KIF13B: variants seen among roughly 807,000 people sequenced by gnomAD.
KIF13B encodes kinesin family member 13B.
Under a neutral mutation model 222.0 loss-of-function variants are expected in KIF13B, and 127 were observed. The ratio of observed to expected loss-of-function variants is 0.57; its 90% CI spans 0.50 to 0.66. The LOEUF (loss-of-function observed/expected upper bound fraction) is 0.66, where lower values mean the gene tolerates loss of function less well. Among genes scored for constraint, KIF13B ranks in the 30% least tolerant of loss-of-function variants. The pLI is 0.00. For missense variants in KIF13B, 2,173 were observed against 2,379.0 expected (o/e 0.91, Z 1.80); for synonymous variants, 976 against 919.0 (o/e 1.06, Z -1.12).
At chr8:29,109,158 A>C (rs1809235518) in intron 34 of KIF13B, among the ~76,000 whole-genome samples, 1 of 152,228 alleles carries the variant, frequency 6.6e-6, no homozygotes, top group African/African-American at 2.4e-5. Flanking sequence ...TAGTTCCACA[A>C]ACATTCACTG....
At chr8:29,185,588 T>G (rs1224788008) in intron 6 of KIF13B, among the ~76,000 whole-genome samples, 3 of 152,242 alleles carry the variant, frequency 2.0e-5, no homozygotes, top group Admixed American at 2.0e-4. Context: ...GGGTTCTGTT[T>G]GCTCTTGACT....
At position 29,113,500 on chromosome 8, in the gene KIF13B, C is replaced by G; in HGVS notation, c.3893G>C (p.Cys1298Ser). 1 of 1,593,544 alleles carries G rather than the reference C, an allele frequency of 6.3e-7. No homozygotes were observed. Among genetic ancestry groups the G allele is most frequent in the South Asian group, 1.1e-5 (1 of 87,586 alleles). Reference sequence around the variant, plus strand: ...GGAGACAATTTCAAAAGTCACTCCACAGCCAGGAATAGAACTTCGATGAGA... The same window carrying G: ...GGAGACAATTTCAAAAGTCACTCCAGAGCCAGGAATAGAACTTCGATGAGA... The part of the protein sequence containing the change: ...KMSHRSSIPG[C>S]GVTFEIVSNI... Residue 1298 changes from cysteine to serine, a missense_variant, in exon 32 of 40, where the codon TGT becomes TCT. Around this residue, in one of 2 missense-constraint regions of KIF13B, gnomAD observed 1,480 missense variants for 1,722.8 expected, o/e 0.86. Transcript: ENST00000524189.
At chr8:29,187,133 C>T (rs1033096076) in intron 5 of KIF13B, among the ~76,000 whole-genome samples, 11 of 152,126 alleles carry the variant, frequency 7.2e-5, no homozygotes, top group Non-Finnish European at 1.6e-4. Context: ...GTGATCACAG[C>T]ACAAAAAATA....
At chr8:29,098,757 G>T (rs1488502114) in intron 36 of KIF13B, among the ~76,000 whole-genome samples, 1 of 151,650 alleles carries the variant, frequency 6.6e-6, no homozygotes, top group Admixed American at 6.6e-5. Context: ...AAAAAATGAG[G>T]AGAAACATTT....
intron 21 of KIF13B, among the ~76,000 whole-genome samples, chr8:29,137,242 T>C (rs1424679521): frequency 6.6e-6 from 1 of 152,208 alleles, no homozygotes; most frequent in African/African-American, 2.4e-5. Context: ...TATGCTGAAC[T>C]CTCGCCTATG....
At position 29,123,174 on chromosome 8, in the gene KIF13B, T is replaced by A. The variant is rs1454521251; in HGVS notation, c.3479+192A>T. Among the ~76,000 whole-genome samples, 3 of 152,240 alleles carry A rather than the reference T, an allele frequency of 2.0e-5. No homozygotes were observed. The East Asian group carries it at 5.8e-4, about 29-fold the overall frequency. ...TTAATGACTTTGGCCAATAACAACA[T>A]TATTTAATAAAACAGTTTTAGGCCA... is the stretch of plus-strand genomic sequence containing the variant. On this transcript the variant is annotated intron_variant, in intron 28 of 39. Coordinates refer to ENST00000524189, the MANE Select transcript of KIF13B (RefSeq NM_015254.4).
upstream of KIF13B, chr8:29,263,249 G>A: frequency 1.9e-6 from 1 of 538,868 alleles, no homozygotes; most frequent in Non-Finnish European, 3.2e-6. Flanking sequence ...AGGCGGGGGC[G>A]GGAATGCTCG....
chr8:29,223,340 AAAAAAC>A (rs1814853508), intron 2 of KIF13B, among the ~76,000 whole-genome samples: 1 of 150,504 alleles, frequency 6.6e-6, no homozygotes, highest in Admixed American at 6.6e-5. Context: ...TCAAAAAAAA[AAAAAAC>A]AAAAAAATCT....
rs574109297 is a variant in KIF13B at position 29,070,743 on chromosome 8, C to T, written c.5242G>A (p.Gly1748Arg). Residue 1748 changes from glycine (G) to arginine (R), a missense_variant, in exon 40 of 40, where the codon GGG (glycine) becomes AGG (arginine). Transcript: ENST00000524189. This position sits in a 1 kb window ranked among gnomAD's most constrained non-coding sequence, Gnocchi z 4.1. The part of the protein sequence containing the change: ...PSGKNDGSIG[G>R]KQYFRCNPGY... ...GGGTTACACCTGAAGTACTGCTTCC[C>T]GCCGATGGAACCGTCATTCTTACCT... The T allele has an allele frequency of 1.9e-5, 30 of 1,583,958 alleles. No individual in the cohort carries two copies. Among genetic ancestry groups the T allele is most frequent in the East Asian group, 2.3e-5 (1 of 43,282 alleles).
At chr8:29,214,739 T>C (rs568813499) in intron 2 of KIF13B, among the ~76,000 whole-genome samples, 2 of 152,356 alleles carry the variant, frequency 1.3e-5, no homozygotes, top group East Asian at 3.9e-4. Flanking sequence ...TAGACTTTTA[T>C]ATAACTGGCA....
chr8:29,071,378 G>T lies in KIF13B; in HGVS notation c.5218+242C>A, dbSNP rs927318427. On this transcript the variant is annotated intron_variant, in intron 39 of 39. Coordinates refer to ENST00000524189, the MANE Select transcript of KIF13B (RefSeq NM_015254.4). The surrounding 1 kb of genome is among the most constrained non-coding windows in gnomAD (Gnocchi z 4.9). Reference sequence around the variant, plus strand: ...CAAAAGCGGGAACAGCCATGGCGATGGGGGGATGGGTACAGGATCTTTGTA... The same window carrying T: ...CAAAAGCGGGAACAGCCATGGCGATTGGGGGATGGGTACAGGATCTTTGTA... 1.3e-5 allele frequency among the ~76,000 whole-genome samples: 2 copies of T among 152,130 alleles called. No individual in the cohort carries two copies. The highest frequency in any genetic ancestry group is 4.1e-4 in the South Asian group (2 of 4,828).
intron 13 of KIF13B, among the ~76,000 whole-genome samples, chr8:29,157,880 T>C (rs1018886318): frequency 1.4e-4 from 21 of 151,726 alleles, no homozygotes; most frequent in African/African-American, 3.9e-4. Flanking sequence ...TGGCTTCTCT[T>C]TGAACTTCCA....
chr8:29,235,410 T>C (rs1444699853), intron 2 of KIF13B, among the ~76,000 whole-genome samples: 3 of 152,308 alleles, frequency 2.0e-5, no homozygotes, highest in Middle Eastern at 3.4e-3. Context: ...TCAGGTTCTG[T>C]TGTCTTGAGA....
chr8:29,076,970 G>A (rs767964163), intron 37 of KIF13B, among the ~76,000 whole-genome samples: 3 of 152,104 alleles, frequency 2.0e-5, no homozygotes, highest in Non-Finnish European at 4.4e-5. Flanking sequence ...GCAAGACCCT[G>A]TGTCAAAGAA....
In KIF13B at chr8:29,080,216, T is replaced by C. The variant is rs150029128; in HGVS notation, c.4459-4873A>G. 1.1e-4 allele frequency among the ~76,000 whole-genome samples: 17 copies of C among 150,194 alleles called. No homozygotes were observed. In the East Asian group the frequency reaches 1.4e-3, roughly 12 times the overall value. On this transcript the variant is annotated intron_variant, in intron 37 of 39. Coordinates refer to ENST00000524189, the MANE Select transcript of KIF13B (RefSeq NM_015254.4). ...AGCTGGGCGTGGTGGTGCACACCTATAGTCCGAACTACTTGGGAGCTGAGA... is the reference window on the plus strand; with the variant it reads ...AGCTGGGCGTGGTGGTGCACACCTACAGTCCGAACTACTTGGGAGCTGAGA...
In KIF13B at chr8:29,168,234, T is replaced by G. The variant is rs201588010; in HGVS notation, c.946-649A>C. ...AGACAATGGTCCTGAGAAGAGATAC[T>G]GTCTTCATGACACTCAAACTGCTAA... On this transcript the variant is annotated intron_variant, in intron 10 of 39. Coordinates refer to ENST00000524189, the MANE Select transcript of KIF13B (RefSeq NM_015254.4). Among the ~76,000 whole-genome samples the G allele has an allele frequency of 3.9e-5, 6 of 152,374 alleles. No homozygotes were observed. The East Asian group carries it at 1.2e-3, about 29-fold the overall frequency.
intron 9 of KIF13B, 39 bp downstream of exon 9, chr8:29,177,423 TTAAA>T (rs1470530424): frequency 4.8e-6 from 6 of 1,243,298 alleles, no homozygotes; most frequent in Admixed American, 3.4e-5. Context: ...CTATTGGCTA[TTAAA>T]TAAATAAAGC....
At chr8:29,195,529 G>C (rs1274616437) in intron 3 of KIF13B, among the ~76,000 whole-genome samples, 2 of 152,028 alleles carry the variant, frequency 1.3e-5, no homozygotes, top group African/African-American at 4.8e-5. Context: ...ATTCAGCCAC[G>C]GACTGTAAAG....
intron 2 of KIF13B, among the ~76,000 whole-genome samples, chr8:29,219,820 T>A (rs912033382): frequency 5.3e-5 from 8 of 151,736 alleles, no homozygotes; most frequent in African/African-American, 1.9e-4. Context: ...CCCAACACTG[T>A]GGGAGGCCAA....
Sources: gnomAD v4.1 joint callset for allele counts (sites outside exome capture counted in the v4.1 genomes callset) on GRCh38, gnomAD v4.1.1 for gene constraint, gnomAD v4.1.1 regional missense constraint, Gnocchi (gnomAD v3.1) non-coding constraint, MANE v1.5 for transcripts, NCBI Gene and HGNC (gene_info 2026-07-23, HGNC 2026-07-21) for gene names.